Variants in GRIP1 observed in about 807,000 individuals in gnomAD.
GRIP1 encodes the protein glutamate receptor interacting protein 1.
In GRIP1, 45 loss-of-function variants were observed where a neutral mutation model predicts 129.9. The observed-to-expected ratio is 0.35, with a 90% CI of 0.27 to 0.44. GRIP1 has a LOEUF of 0.44. GRIP1 is among the 20% of genes least tolerant of loss of function. GRIP1 has a pLI of 1.00. For synonymous variants in GRIP1, 530 were observed against 520.8 expected (o/e 1.02, Z -0.24); for missense variants, 1,196 against 1,396.8 (o/e 0.86, Z 2.29).
chr12:66,706,652 G>A (rs2035537577), intron 1 of GRIP1, among the ~76,000 whole-genome samples: 1 of 152,140 alleles, frequency 6.6e-6, no homozygotes, highest in Non-Finnish European at 1.5e-5. Context: ...TAAAGAAAAT[G>A]TAGTATATAT....
chr12:67,055,452 A>G (rs1314663090), intron 1 of GRIP1, among the ~76,000 whole-genome samples: 1 of 151,328 alleles, frequency 6.6e-6, no homozygotes, highest in Non-Finnish European at 1.5e-5. Flanking sequence ...GTGACATAAG[A>G]ACAGGATGCT....
At chr12:66,790,630 G>A (rs1775577717) in intron 1 of GRIP1, among the ~76,000 whole-genome samples, 2 of 152,192 alleles carry the variant, frequency 1.3e-5, no homozygotes, top group South Asian at 4.2e-4. Context: ...ATGAATTCAA[G>A]GTTCCTAGTT....
At chr12:66,395,047 G>A (rs1423596493) in intron 16 of GRIP1, among the ~76,000 whole-genome samples, 1 of 152,178 alleles carries the variant, frequency 6.6e-6, no homozygotes, top group Non-Finnish European at 1.5e-5. Flanking sequence ...TGTTTCAACA[G>A]CATAGACCAG....
intron 1 of GRIP1, among the ~76,000 whole-genome samples, chr12:67,047,393 T>C (rs529233105): frequency 1.8e-4 from 27 of 152,310 alleles, no homozygotes; most frequent in African/African-American, 6.3e-4. Context: ...AATATTTTCA[T>C]GTATTTCCTT....
intron 1 of GRIP1, among the ~76,000 whole-genome samples, chr12:66,891,028 T>C (rs576863180): frequency 3.3e-5 from 5 of 152,348 alleles, no homozygotes; most frequent in African/African-American, 7.2e-5. Context: ...TAAAATTACA[T>C]AGTGCATTTA....
intron 3 of GRIP1, among the ~76,000 whole-genome samples, chr12:66,539,696 A>G (rs2061717254): frequency 1.3e-5 from 2 of 151,992 alleles, no homozygotes; most frequent in African/African-American, 4.8e-5. Context: ...ACCTCTTTCA[A>G]TAACTTCACT....
intron 1 of GRIP1, among the ~76,000 whole-genome samples, chr12:66,644,439 C>T (rs1490697356): frequency 1.3e-5 from 2 of 152,188 alleles, no homozygotes; most frequent in Admixed American, 6.5e-5. Context: ...TGCTCCACAG[C>T]CTCTTCTCTG....
At chr12:67,025,482 A>G (rs1309317281) in intron 1 of GRIP1, among the ~76,000 whole-genome samples, 1 of 152,226 alleles carries the variant, frequency 6.6e-6, no homozygotes. Flanking sequence ...CTCTATTTGA[A>G]TTTAAAATTA....
At chr12:66,841,853 T>C (rs1298890204) in intron 1 of GRIP1, among the ~76,000 whole-genome samples, 1 of 152,174 alleles carries the variant, frequency 6.6e-6, no homozygotes, top group Non-Finnish European at 1.5e-5. Context: ...GCCTATTCTG[T>C]AAATCACATT....
At chr12:66,395,317 G>A (rs1048109417) in intron 16 of GRIP1, among the ~76,000 whole-genome samples, 1 of 152,192 alleles carries the variant, frequency 6.6e-6, no homozygotes, top group Non-Finnish European at 1.5e-5. Flanking sequence ...TTAAGGAACT[G>A]TTTCATTTCT....
In GRIP1 at chr12:66,348,930, T is replaced by G. The variant is rs527813376; in HGVS notation, c.*89A>C. 1.1e-6 allele frequency: 1 copy of G among 921,906 alleles called. No homozygotes were observed. The highest frequency in any genetic ancestry group is 1.6e-5 in the African/African-American group (1 of 61,852). The allele number at this position is 921,906 out of a possible 1,614,324, so 57.1% of individuals were successfully genotyped here. On this transcript the variant is annotated 3_prime_UTR_variant, in exon 25 of 25. Coordinates refer to ENST00000359742, the MANE Select transcript of GRIP1 (RefSeq NM_001366722.1). ...TTGCAGTTAATGCCACGTTGATTGA[T>G]TATCTGTGCTTCAAAGGTCACAGAA...
rs994662552 is a variant in GRIP1 at position 66,461,209 on chromosome 12, T to C, written c.1042+1715A>G. The stretch of plus-strand genomic sequence containing the variant: ...TGAAAACACTTGAATTATTTATGAA[T>C]TGTATATAGGGCCAATTAAAGAAAA... On this transcript the variant is annotated intron_variant, in intron 9 of 24. Transcript: ENST00000359742. 8.9e-4 allele frequency among the ~76,000 whole-genome samples: 135 copies of C among 152,312 alleles called. 1 individual carries two copies. The highest frequency in any genetic ancestry group is 3.2e-3 in the African/African-American group (133 of 41,548).
intron 1 of GRIP1, among the ~76,000 whole-genome samples, chr12:66,654,218 A>AG (rs2032995619): frequency 6.6e-6 from 1 of 152,220 alleles, no homozygotes; most frequent in East Asian, 1.9e-4. Context: ...GTGATCTTAA[A>AG]GAAAAAAAAA....
At chr12:66,404,811 C>T (rs1429291177) in intron 16 of GRIP1, among the ~76,000 whole-genome samples, 1 of 152,108 alleles carries the variant, frequency 6.6e-6, no homozygotes, top group African/African-American at 2.4e-5. Flanking sequence ...GTGGGCAGAT[C>T]ACTTGAGGTC....
chr12:66,865,843 C>G (rs1430811628), intron 1 of GRIP1, among the ~76,000 whole-genome samples: 2 of 152,116 alleles, frequency 1.3e-5, no homozygotes, highest in Non-Finnish European at 2.9e-5. Context: ...CCACAATTTT[C>G]CTACTTCTGC....
intron 23 of GRIP1, among the ~76,000 whole-genome samples, chr12:66,370,194 G>A (rs116121444): frequency 0.015 from 2,342 of 152,298 alleles, 65 homozygotes; most frequent in African/African-American, 0.053. Context: ...TCCCCTGATA[G>A]TGGGTTAGGG....
At chr12:66,363,200 C>CTATATATATATATAT (rs1565666281) in intron 23 of GRIP1, among the ~76,000 whole-genome samples, 2,125 of 88,150 alleles carry the variant, frequency 0.024, 203 homozygotes, top group Non-Finnish European at 0.031. Context: ...TGTGTGTGTC[C>CTATATATATATATAT]ATATATATAT....
intron 1 of GRIP1, among the ~76,000 whole-genome samples, chr12:66,879,109 C>A (rs1032542215): frequency 6.6e-6 from 1 of 151,786 alleles, no homozygotes; most frequent in Non-Finnish European, 1.5e-5. Flanking sequence ...ATGATAAATA[C>A]CATGAAAGGA....
intron 1 of GRIP1, among the ~76,000 whole-genome samples, chr12:66,972,671 G>A (rs901940895): frequency 2.6e-5 from 4 of 152,072 alleles, no homozygotes; most frequent in African/African-American, 9.7e-5. Flanking sequence ...GTTCATTAAC[G>A]ACCTGTCCTC....
Sources: gnomAD v4.1 joint callset for allele counts (sites outside exome capture counted in the v4.1 genomes callset) on GRCh38, gnomAD v4.1.1 for gene constraint, MANE v1.5 for transcripts, NCBI Gene and HGNC (gene_info 2026-07-23, HGNC 2026-07-21) for gene names.